Variants in CA10 observed in about 807,000 individuals in gnomAD.
CA10 encodes the protein carbonic anhydrase 10 (inactive), also known as carbonic anhydrase-related protein 10.
CA10 carries 14 observed loss-of-function variants against 44.2 expected under a neutral mutation model. The ratio of observed to expected loss-of-function variants is 0.32; its 90% CI spans 0.21 to 0.50. CA10 has a LOEUF of 0.50. Among genes scored for constraint, CA10 ranks in the 20% least tolerant of loss-of-function variants. The pLI, the probability that CA10 is intolerant of heterozygous loss-of-function variation, is 0.99. For synonymous variants in CA10, 159 were observed against 141.6 expected, an observed-to-expected ratio of 1.12 and a Z score of -0.87; for missense variants, 350 against 409.7, an observed-to-expected ratio of 0.85 and a Z score of 1.26.
intron 3 of CA10, among the ~76,000 whole-genome samples, chr17:51,919,544 G>A (rs1394768404): frequency 8.5e-5 from 13 of 152,194 alleles, no homozygotes. Flanking sequence ...TTAGATGGAT[G>A]GTAAGAGAGC....
rs56021809 is a variant in CA10 at position 51,958,257 on chromosome 17, GT to G, written c.137-27126del. 6.2e-3 allele frequency among the ~76,000 whole-genome samples: 911 copies of G among 146,616 alleles called. 8 individuals carry two copies. The highest frequency in any genetic ancestry group is 0.042 in the East Asian group (202 of 4,850). On this transcript the variant is annotated intron_variant, in intron 2 of 8. Transcript: ENST00000451037. ...GTATGATTCTACTGAAAATAACTGA[GT>G]TTTTTTTTTTTTTTTGATAATTGGC...
intron 7 of CA10, among the ~76,000 whole-genome samples, chr17:51,635,082 T>C (rs1912764044): frequency 6.6e-6 from 1 of 152,118 alleles, no homozygotes; most frequent in South Asian, 2.1e-4. Flanking sequence ...GTGACCTTAT[T>C]TGGAAATAGT....
At chr17:51,934,002 A>T (rs1310410530) in intron 2 of CA10, among the ~76,000 whole-genome samples, 1 of 152,062 alleles carries the variant, frequency 6.6e-6, no homozygotes, top group African/African-American at 2.4e-5. Context: ...TCGGGGTTTT[A>T]TATCCCCACT....
intron 3 of CA10, among the ~76,000 whole-genome samples, chr17:51,898,316 T>C (rs1981160821): frequency 6.6e-6 from 1 of 152,154 alleles, no homozygotes; most frequent in Non-Finnish European, 1.5e-5. Context: ...GAGATGATCA[T>C]GTAGTTTTTT....
In CA10 at chr17:51,702,304, G is replaced by A. The variant is rs575059300; in HGVS notation, c.465+45329C>T. On this transcript the variant is annotated intron_variant, in intron 4 of 8. Transcript: ENST00000451037. The stretch of plus-strand genomic sequence containing the variant: ...TGCTGTGACTACTCAGCTAGCTGGC[G>A]GTAGACCCAGATTCAGATCCAGCAT... Among the ~76,000 whole-genome samples, 10 of 152,128 alleles carry A rather than the reference G, an allele frequency of 6.6e-5. No homozygotes were observed. The East Asian group carries it at 1.6e-3, about 24-fold the overall frequency.
intron 1 of CA10, among the ~76,000 whole-genome samples, chr17:52,099,020 C>CTTGTT (rs1239065660): frequency 6.6e-6 from 1 of 152,078 alleles, no homozygotes; most frequent in Admixed American, 6.6e-5. Flanking sequence ...AGAAGAATTT[C>CTTGTT]ATATGGTGGT....
chr17:51,878,918 G>A (rs1156979136), intron 3 of CA10, among the ~76,000 whole-genome samples: 3 of 124,222 alleles, frequency 2.4e-5, no homozygotes, highest in Admixed American at 8.0e-5. Context: ...GTGTGTATGT[G>A]TGTATGTGTG....
chr17:52,051,127 A>T (rs1987057601), intron 2 of CA10, among the ~76,000 whole-genome samples: 1 of 151,440 alleles, frequency 6.6e-6, no homozygotes, highest in African/African-American at 2.4e-5. Context: ...AAGAAAAGAA[A>T]AGAAAGGAAG....
chr17:51,921,137 CA>C (rs1215219477), intron 3 of CA10, among the ~76,000 whole-genome samples: 1 of 152,162 alleles, frequency 6.6e-6, no homozygotes, highest in Non-Finnish European at 1.5e-5. Flanking sequence ...TGGCTGCAAG[CA>C]AATATATTCC....
At chr17:51,699,998 A>ACGAAGG (rs1400842895) in intron 4 of CA10, among the ~76,000 whole-genome samples, 2 of 151,758 alleles carry the variant, frequency 1.3e-5, no homozygotes, top group African/African-American at 4.9e-5. Context: ...GACATCAGAG[A>ACGAAGG]TGAAGGGAGA....
intron 3 of CA10, among the ~76,000 whole-genome samples, chr17:51,809,675 C>T (rs1389274113): frequency 6.6e-6 from 1 of 152,106 alleles, no homozygotes; most frequent in Admixed American, 6.5e-5. Flanking sequence ...CAATGGAGGA[C>T]CTCACTGGGC....
At chr17:51,777,519 G>A (rs1289383925) in intron 3 of CA10, among the ~76,000 whole-genome samples, 2 of 152,082 alleles carry the variant, frequency 1.3e-5, no homozygotes, top group South Asian at 4.2e-4. Flanking sequence ...TAGAAGTCCT[G>A]GAACCAATCC....
intron 1 of CA10, among the ~76,000 whole-genome samples, chr17:52,141,338 C>A (rs1301421830): frequency 6.6e-6 from 1 of 152,142 alleles, no homozygotes; most frequent in African/African-American, 2.4e-5. Context: ...AAGGTATCCA[C>A]AAAAGTCAAG....
intron 2 of CA10, among the ~76,000 whole-genome samples, chr17:51,956,701 T>C (rs1026400956): frequency 3.3e-5 from 5 of 152,076 alleles, no homozygotes; most frequent in Admixed American, 1.3e-4. Flanking sequence ...AGAAAAGAAA[T>C]TATGGGGAAA....
chr17:52,099,885 C>T (rs954934346), intron 1 of CA10, among the ~76,000 whole-genome samples: 4 of 152,270 alleles, frequency 2.6e-5, no homozygotes, highest in African/African-American at 9.6e-5. Flanking sequence ...ACTGTAAGGT[C>T]ATGGTAGACA....
chr17:51,741,120 C>A (rs1904444069), intron 4 of CA10, among the ~76,000 whole-genome samples: 1 of 152,072 alleles, frequency 6.6e-6, no homozygotes, highest in Admixed American at 6.6e-5. Context: ...GAAGGTAAAC[C>A]ACAAAGCATG....
intron 3 of CA10, among the ~76,000 whole-genome samples, chr17:51,805,618 GAAT>G (rs1907100031): frequency 1.3e-5 from 2 of 152,176 alleles, no homozygotes; most frequent in Admixed American, 6.5e-5. Context: ...TTTTATTGAA[GAAT>G]AATTTACATA....
chr17:51,930,423 G>A (rs1235552018), intron 3 of CA10, among the ~76,000 whole-genome samples: 2 of 152,130 alleles, frequency 1.3e-5, no homozygotes, highest in East Asian at 1.9e-4. Flanking sequence ...GTTATGGGGG[G>A]AGGAGAGTGA....
intron 2 of CA10, among the ~76,000 whole-genome samples, chr17:52,004,578 G>A (rs931358057): frequency 3.3e-5 from 5 of 151,990 alleles, no homozygotes; most frequent in Admixed American, 6.6e-5. Context: ...ACACTAACAA[G>A]ACAATTAATA....
Sources: gnomAD v4.1 joint callset for allele counts (sites outside exome capture counted in the v4.1 genomes callset) on GRCh38, gnomAD v4.1.1 for gene constraint, MANE v1.5 for transcripts, NCBI Gene and HGNC (gene_info 2026-07-23, HGNC 2026-07-21) for gene names.